The following KCNK10 variants were observed in gnomAD, a reference collection of about 807,000 sequenced individuals.
KCNK10 encodes the protein potassium channel subfamily K member 10.
KCNK10 carries 25 observed loss-of-function variants against 47.7 expected under a neutral mutation model. That is an observed-to-expected ratio of 0.52 (90% CI 0.38 to 0.73). KCNK10 has a LOEUF of 0.73. Among genes scored for constraint, KCNK10 ranks in the 30% least tolerant of loss-of-function variants. The pLI, the probability that KCNK10 is intolerant of heterozygous loss-of-function variation, is 0.00. For missense variants in KCNK10, 563 were observed against 714.5 expected, an observed-to-expected ratio of 0.79 and a Z score of 2.42; for synonymous variants, 303 against 285.6, an observed-to-expected ratio of 1.06 and a Z score of -0.61.
intron 5 of KCNK10, among the ~76,000 whole-genome samples, chr14:88,188,391 C>A (rs1884641609): frequency 6.6e-6 from 1 of 152,182 alleles, no homozygotes; most frequent in African/African-American, 2.4e-5. Flanking sequence ...TAATGCTTGA[C>A]CTGAGCGTTA....
chr14:88,281,759 C>T (rs1229409613), intron 1 of KCNK10, among the ~76,000 whole-genome samples: 3 of 146,118 alleles, frequency 2.1e-5, no homozygotes, highest in South Asian at 4.2e-4. Flanking sequence ...TATACACATA[C>T]ACACACACAC....
chr14:88,274,167 G>A (rs1201972454), intron 1 of KCNK10, among the ~76,000 whole-genome samples: 1 of 150,782 alleles, frequency 6.6e-6, no homozygotes, highest in Admixed American at 6.6e-5. Flanking sequence ...CCAATGTCCC[G>A]TGTGCTCAGG....
At chr14:88,268,387 T>C (rs1233641605) in intron 1 of KCNK10, among the ~76,000 whole-genome samples, 1 of 152,186 alleles carries the variant, frequency 6.6e-6, no homozygotes, top group Non-Finnish European at 1.5e-5. Context: ...TAGAGGCCTG[T>C]AGGCGCATGC....
At chr14:88,206,670 G>A (rs547921405) in intron 4 of KCNK10, among the ~76,000 whole-genome samples, 1 of 152,152 alleles carries the variant, frequency 6.6e-6, no homozygotes, top group Non-Finnish European at 1.5e-5. Context: ...TGCATTCTAC[G>A]TATAGATGCC....
intron 1 of KCNK10, among the ~76,000 whole-genome samples, chr14:88,268,584 G>T (rs1292281417): frequency 6.6e-6 from 1 of 152,206 alleles, no homozygotes; most frequent in Non-Finnish European, 1.5e-5. Context: ...CAGGGGGAAA[G>T]GGCCCTTTTA....
intron 1 of KCNK10, among the ~76,000 whole-genome samples, chr14:88,313,492 C>T (rs1044869065): frequency 2.0e-5 from 3 of 152,192 alleles, no homozygotes; most frequent in Non-Finnish European, 2.9e-5. Flanking sequence ...ATCACTTGTT[C>T]TTGGGGAAGC....
At position 88,277,295 on chromosome 14, in the gene KCNK10, G is replaced by T. The variant is rs370993282; in HGVS notation, c.53-13744C>A. ...AAATAAACAAGATCCATCAAAGGGA[G>T]AAAACAGTTTCTACAAAATACCCTA... On this transcript the variant is annotated intron_variant, in intron 1 of 6. Transcript: ENST00000319231. 6.6e-5 allele frequency among the ~76,000 whole-genome samples: 10 copies of T among 151,996 alleles called. No individual in the cohort carries two copies. In the East Asian group the frequency reaches 1.2e-3, roughly 18 times the overall value.
At chr14:88,241,860 G>A (rs1021303548) in intron 2 of KCNK10, among the ~76,000 whole-genome samples, 2 of 152,172 alleles carry the variant, frequency 1.3e-5, no homozygotes, top group South Asian at 2.1e-4. Flanking sequence ...GCCTCATCAC[G>A]AGCAGGAGAA....
intron 5 of KCNK10, among the ~76,000 whole-genome samples, chr14:88,191,340 A>AACAC (rs56194944): frequency 0.02 from 2,938 of 149,952 alleles, 97 homozygotes; most frequent in African/African-American, 0.067. Context: ...TGGTAAAGGA[A>AACAC]ACACACACAC....
chr14:88,239,882 A>T (rs1044782487), intron 3 of KCNK10, among the ~76,000 whole-genome samples: 11 of 137,640 alleles, frequency 8.0e-5, no homozygotes, highest in Non-Finnish European at 1.7e-4. Context: ...AAAATAAAAT[A>T]AAATAAAATA....
At chr14:88,317,925 C>G (rs1888462379) in intron 1 of KCNK10, among the ~76,000 whole-genome samples, 2 of 152,234 alleles carry the variant, frequency 1.3e-5, no homozygotes, top group South Asian at 4.2e-4. Context: ...GATTAAAGTG[C>G]CTAAAAATAG....
At chr14:88,274,566 A>AAAAAAAAAAAAAAAT (rs55899872) in intron 1 of KCNK10, among the ~76,000 whole-genome samples, 3,265 of 139,376 alleles carry the variant, frequency 0.023, 335 homozygotes, top group African/African-American at 0.064. Context: ...AAAAAAAAAA[A>AAAAAAAAAAAAAAAT]GATCTTATGG....
intron 1 of KCNK10, among the ~76,000 whole-genome samples, chr14:88,293,487 T>C (rs1297832549): frequency 6.6e-6 from 1 of 152,176 alleles, no homozygotes; most frequent in Non-Finnish European, 1.5e-5. Flanking sequence ...TTATTTTCCT[T>C]ACCATCTTCA....
chr14:88,247,826 C>T (rs1008501968), intron 2 of KCNK10, among the ~76,000 whole-genome samples: 1 of 152,110 alleles, frequency 6.6e-6, no homozygotes, highest in African/African-American at 2.4e-5. Flanking sequence ...CTTATGAGAC[C>T]AGGCCATATT....
intron 2 of KCNK10, among the ~76,000 whole-genome samples, chr14:88,262,692 T>C (rs1029003976): frequency 1.3e-5 from 2 of 152,180 alleles, no homozygotes; most frequent in African/African-American, 4.8e-5. Flanking sequence ...ACTACTGTGA[T>C]CCATATTATT....
At chr14:88,204,508 C>T (rs919095648) in intron 4 of KCNK10, among the ~76,000 whole-genome samples, 16 of 152,088 alleles carry the variant, frequency 1.1e-4, no homozygotes, top group African/African-American at 3.9e-4. Flanking sequence ...GCTGCCTCCT[C>T]CTCCTCCTCC....
chr14:88,263,602 A>T, intron 1 of KCNK10, 51 bp from the exon 2 acceptor site: 1 of 1,478,582 alleles, frequency 6.8e-7, no homozygotes, highest in Non-Finnish European at 9.2e-7. Flanking sequence ...TTTATAAATA[A>T]ATACAAAACG....
chr14:88,305,462 C>T (rs1452383397), intron 1 of KCNK10, among the ~76,000 whole-genome samples: 1 of 152,118 alleles, frequency 6.6e-6, no homozygotes, highest in Admixed American at 6.5e-5. Flanking sequence ...TCTTTTCATG[C>T]TGCATGGATC....
At chr14:88,213,094 A>G (rs1225735575) in intron 4 of KCNK10, among the ~76,000 whole-genome samples, 1 of 152,188 alleles carries the variant, frequency 6.6e-6, no homozygotes, top group Non-Finnish European at 1.5e-5. Flanking sequence ...AGTATCAATG[A>G]CTACTGACAT....
Sources: gnomAD v4.1 joint callset for allele counts (sites outside exome capture counted in the v4.1 genomes callset) on GRCh38, gnomAD v4.1.1 for gene constraint, MANE v1.5 for transcripts, NCBI Gene and HGNC (gene_info 2026-07-23, HGNC 2026-07-21) for gene names.